The following PLAAT3 variants were observed in gnomAD, a reference collection of about 807,000 sequenced individuals.
PLAAT3 encodes Ca-independent phospholipase A1/2.
PLAAT3 carries 21 observed loss-of-function variants against 16.7 expected under a neutral mutation model. The ratio of observed to expected loss-of-function variants is 1.26; its 90% CI spans 0.89 to 1.81. PLAAT3 has a LOEUF of 1.81. Among genes scored for constraint, PLAAT3 ranks in the 40% most tolerant of loss-of-function variants. The pLI is 0.00. For synonymous variants in PLAAT3, 76 were observed against 81.7 expected (o/e 0.93, Z 0.38); for missense variants, 219 against 213.7 (o/e 1.02, Z -0.16).
intron 3 of PLAAT3, among the ~76,000 whole-genome samples, chr11:63,591,594 A>G (rs1233821159): frequency 2.6e-5 from 4 of 152,152 alleles, no homozygotes; most frequent in African/African-American, 4.8e-5. Context: ...ACAGCAGGAG[A>G]GGCCGATTAG....
intron 2 of PLAAT3, among the ~76,000 whole-genome samples, chr11:63,608,745 G>A (rs757776271): frequency 1.4e-4 from 21 of 152,200 alleles, no homozygotes; most frequent in Non-Finnish European, 2.4e-4. Context: ...TAAAGAGCAT[G>A]AGTGCTCTGT....
intron 4 of PLAAT3, among the ~76,000 whole-genome samples, chr11:63,577,880 ACAACT>A (rs1937658523): frequency 6.6e-6 from 1 of 152,204 alleles, no homozygotes; most frequent in Admixed American, 6.5e-5. Flanking sequence ...ATGTGAAAAA[ACAACT>A]CAACAGAAAA....
intron 2 of PLAAT3, among the ~76,000 whole-genome samples, chr11:63,600,587 T>TTTTTTGTTTTGTTTTG (rs1555045456): frequency 5.4e-5 from 8 of 148,318 alleles, no homozygotes; most frequent in African/African-American, 2.0e-4. Context: ...TTTTTTGTTT[T>TTTTTTGTTTTGTTTTG]TTTTGTTTTG....
Position 63,574,765 on chromosome 11 carries a change from C to G in PLAAT3, c.*180G>C. ...GCTGTTCCCTGAACAGACTTCACAC[C>G]AGGCAGTTCTTGCTGCACTTCCCCC... On this transcript the variant is annotated 3_prime_UTR_variant, in exon 5 of 5. Coordinates refer to ENST00000415826, the MANE Select transcript of PLAAT3 (RefSeq NM_001128203.2). 3.4e-6 allele frequency: 2 copies of G among 592,994 alleles called. No homozygotes were observed. Among genetic ancestry groups the G allele is most frequent in the Non-Finnish European group, 6.0e-6 (2 of 330,744 alleles). The allele number at this position is 592,994 out of a possible 1,614,324, so 36.7% of individuals were successfully genotyped here.
chr11:63,596,426 G>A (rs1170756606), intron 3 of PLAAT3, among the ~76,000 whole-genome samples: 1 of 151,826 alleles, frequency 6.6e-6, no homozygotes, highest in Non-Finnish European at 1.5e-5. Context: ...CTCGGCAGTG[G>A]GGAGGGATGG....
intron 3 of PLAAT3, among the ~76,000 whole-genome samples, chr11:63,596,663 C>G (rs1162231685): frequency 6.6e-6 from 1 of 151,588 alleles, no homozygotes; most frequent in Admixed American, 6.6e-5. Flanking sequence ...GGCTCTGTAT[C>G]CCCACCCAAA....
At chr11:63,611,894 T>A (rs1289635369) in intron 2 of PLAAT3, among the ~76,000 whole-genome samples, 1 of 152,070 alleles carries the variant, frequency 6.6e-6, no homozygotes, top group South Asian at 2.1e-4. Context: ...ATCCCAGCAC[T>A]TTGGGAGGCC....
chr11:63,589,903 A>T (rs1037865254), intron 4 of PLAAT3, among the ~76,000 whole-genome samples, 197 bp downstream of exon 4: 2 of 84,980 alleles, frequency 2.4e-5, no homozygotes, highest in African/African-American at 9.2e-5. Flanking sequence ...CCCGCCCCCG[A>T]CTACACTGAT....
intron 2 of PLAAT3, among the ~76,000 whole-genome samples, chr11:63,603,703 TACAC>T (rs67821162): frequency 0.071 from 8,288 of 116,738 alleles, 292 homozygotes; most frequent in African/African-American, 0.14. Flanking sequence ...TAAATTATCC[TACAC>T]ACACACACAC....
chr11:63,588,746 C>A (rs1015042739), intron 4 of PLAAT3, among the ~76,000 whole-genome samples: 1 of 152,046 alleles, frequency 6.6e-6, no homozygotes, highest in African/African-American at 2.4e-5. Flanking sequence ...AATAACCCAA[C>A]TGATCGAAGA....
chr11:63,578,534 A>G (rs1349718593), intron 4 of PLAAT3, among the ~76,000 whole-genome samples: 2 of 152,196 alleles, frequency 1.3e-5, no homozygotes, highest in South Asian at 2.1e-4. Context: ...ATATAGACCA[A>G]TGGAACAGAA....
intron 2 of PLAAT3, among the ~76,000 whole-genome samples, chr11:63,601,215 C>T (rs1162694052): frequency 3.3e-5 from 5 of 149,712 alleles, no homozygotes; most frequent in Non-Finnish European, 7.4e-5. Flanking sequence ...CCACCACATC[C>T]GGCTATTTTT....
intron 3 of PLAAT3, among the ~76,000 whole-genome samples, chr11:63,593,522 G>A (rs12576200): frequency 0.11 from 16,556 of 152,250 alleles, 1,022 homozygotes; most frequent in Admixed American, 0.17. Context: ...AGACCAGGCC[G>A]GGCCCTACAG....
At chr11:63,606,463 C>CACACACACACACACA (rs1555046401) in intron 2 of PLAAT3, among the ~76,000 whole-genome samples, 2 of 146,476 alleles carry the variant, frequency 1.4e-5, no homozygotes, top group South Asian at 2.2e-4. Flanking sequence ...CACACACACA[C>CACACACACACACACA]CTTAGTAAAT....
chr11:63,593,073 G>C (rs1265268658), intron 3 of PLAAT3, among the ~76,000 whole-genome samples: 1 of 152,190 alleles, frequency 6.6e-6, no homozygotes. Context: ...CACCTGCTCA[G>C]TGCAGCCAAT....
intron 2 of PLAAT3, among the ~76,000 whole-genome samples, chr11:63,600,977 C>A (rs1015876394): frequency 1.4e-5 from 2 of 147,638 alleles, no homozygotes; most frequent in African/African-American, 2.5e-5. Context: ...GAAGTAAACA[C>A]TGAAAGGGTA....
chr11:63,590,169 G>C lies in PLAAT3; in HGVS notation c.318C>G (p.Tyr106Ter). ...AEELVGQEVL[Y>*]KLTSENCEHF... ...GCTCGCAGTTCTCACTGGTCAGCTTGTAGAGCACCTCCTGCCCCACCAGCT... is the reference window on the plus strand; with the variant it reads ...GCTCGCAGTTCTCACTGGTCAGCTTCTAGAGCACCTCCTGCCCCACCAGCT... The change falls in exon 4 of 5, where the codon TAC becomes TAG. Residue 106 changes from tyrosine to a stop codon, truncating the protein, a stop_gained. Coordinates refer to ENST00000415826, the MANE Select transcript of PLAAT3 (RefSeq NM_001128203.2). LOFTEE classifies it high-confidence loss of function. The C allele has an allele frequency of 1.2e-6, 2 of 1,614,220 alleles. No homozygotes were observed. Among genetic ancestry groups the C allele is most frequent in the Non-Finnish European group, 1.7e-6 (2 of 1,180,014 alleles).
At chr11:63,590,780 G>A (rs1938133585) in intron 3 of PLAAT3, among the ~76,000 whole-genome samples, 1 of 152,190 alleles carries the variant, frequency 6.6e-6, no homozygotes, top group African/African-American at 2.4e-5. Flanking sequence ...AGAAAACATG[G>A]CTGGGTTTTC....
intron 3 of PLAAT3, among the ~76,000 whole-genome samples, chr11:63,595,792 A>G (rs959217181): frequency 1.3e-5 from 2 of 152,222 alleles, no homozygotes; most frequent in Non-Finnish European, 2.9e-5. Flanking sequence ...GCTTAAGAGA[A>G]GGGTGAGGAA....
Sources: gnomAD v4.1 joint callset for allele counts (sites outside exome capture counted in the v4.1 genomes callset) on GRCh38, gnomAD v4.1.1 for gene constraint, MANE v1.5 for transcripts, NCBI Gene and HGNC (gene_info 2026-07-23, HGNC 2026-07-21) for gene names.